UBE2E1: variants seen among roughly 807,000 people sequenced by gnomAD.
The protein encoded by UBE2E1 is ubiquitin conjugating enzyme E2 E1.
Under a neutral mutation model 21.4 loss-of-function variants are expected in UBE2E1, and 6 were observed. The observed-to-expected ratio is 0.28, with a 90% CI of 0.15 to 0.55. The LOEUF is 0.55. Ranked by LOEUF, UBE2E1 falls within the 20% of genes least tolerant of loss-of-function variation. UBE2E1 has a pLI of 0.93. For synonymous variants in UBE2E1, 87 were observed against 82.7 expected (o/e 1.05, Z -0.28); for missense variants, 142 against 236.5 (o/e 0.60, Z 2.62).
rs896479596 is a variant in UBE2E1 at position 23,807,127 on chromosome 3, T to C, written c.-33-110T>C. ...ACTTTGAAAAGCGAGTGGAGGGCGG[T>C]GGGCGGCCGCGTGCGCCCCTGGTCA... On this transcript the variant is annotated intron_variant, in intron 1 of 5. Transcript: ENST00000306627. 7.1e-6 allele frequency: 6 copies of C among 849,098 alleles called. 1 individual carries two copies. Among genetic ancestry groups the C allele is most frequent in the Non-Finnish European group, 1.0e-5 (6 of 576,262 alleles). The allele number at this position is 849,098 out of a possible 1,614,324, so 52.6% of individuals were successfully genotyped here.
intron 3 of UBE2E1, among the ~76,000 whole-genome samples, chr3:23,873,118 T>C (rs902162359): frequency 1.3e-5 from 2 of 152,234 alleles, no homozygotes; most frequent in African/African-American, 4.8e-5. Flanking sequence ...TCATACCTGC[T>C]TCTGCATTCA....
At chr3:23,822,475 G>C (rs1014642119) in intron 3 of UBE2E1, among the ~76,000 whole-genome samples, 1 of 150,530 alleles carries the variant, frequency 6.6e-6, no homozygotes, top group African/African-American at 2.4e-5. Context: ...TTTTTTTTCT[G>C]ATCTCCCCTC....
chr3:23,816,035 A>G lies in UBE2E1; in HGVS notation c.203+4525A>G, dbSNP rs761912603. Among the ~76,000 whole-genome samples, 1 of 152,202 alleles carries G rather than the reference A, an allele frequency of 6.6e-6. No individual in the cohort carries two copies. Among genetic ancestry groups the G allele is most frequent in the Non-Finnish European group, 1.5e-5 (1 of 68,040 alleles). On this transcript the variant is annotated intron_variant, in intron 3 of 5. Coordinates refer to ENST00000306627, the MANE Select transcript of UBE2E1 (RefSeq NM_003341.5). This position sits in a 1 kb window ranked among gnomAD's most constrained non-coding sequence, Gnocchi z 4.8. The stretch of plus-strand genomic sequence containing the variant: ...CTGGGGCCTTTCCTATTAGAGAGGA[A>G]AGAAACCCTATCTGGAGATGAATTG...
intron 3 of UBE2E1, among the ~76,000 whole-genome samples, chr3:23,846,317 A>T (rs1418961050): frequency 5.9e-5 from 9 of 152,088 alleles, no homozygotes; most frequent in Non-Finnish European, 1.3e-4. Flanking sequence ...AGTCCTAGCT[A>T]CTTGGGAGGC....
At chr3:23,831,212 A>C (rs1390611372) in intron 3 of UBE2E1, among the ~76,000 whole-genome samples, 2 of 152,214 alleles carry the variant, frequency 1.3e-5, no homozygotes, top group African/African-American at 4.8e-5. Flanking sequence ...AATGTTCTGG[A>C]TATCAGAAAC....
At chr3:23,888,279 C>T (rs758393573) in intron 4 of UBE2E1, 1 of 457,106 alleles carries the variant, frequency 2.2e-6, no homozygotes, top group South Asian at 1.5e-5. Flanking sequence ...TTGCCCAAGT[C>T]ACCCATCTCC....
chr3:23,825,183 G>A (rs898864797), intron 3 of UBE2E1, among the ~76,000 whole-genome samples: 2 of 152,148 alleles, frequency 1.3e-5, no homozygotes, highest in Non-Finnish European at 2.9e-5. Flanking sequence ...AGGCCTGCAT[G>A]GTTGTCAGTG....
chr3:23,815,807 C>G (rs1023252123), intron 3 of UBE2E1, among the ~76,000 whole-genome samples: 10 of 152,230 alleles, frequency 6.6e-5, no homozygotes, highest in African/African-American at 2.4e-4. Context: ...TAGCATCTTT[C>G]ATTTATCTGA....
At chr3:23,814,345 A>G (rs1699465449) in intron 3 of UBE2E1, among the ~76,000 whole-genome samples, 1 of 152,208 alleles carries the variant, frequency 6.6e-6, no homozygotes, top group African/African-American at 2.4e-5. Context: ...AATGTTGTAT[A>G]TTATGTTGGG....
chr3:23,879,289 A>G, intron 3 of UBE2E1: 1 of 876,568 alleles, frequency 1.1e-6, no homozygotes, highest in Non-Finnish European at 1.7e-6. Context: ...CAGAAGTGAA[A>G]AGGGACTGTT....
intron 3 of UBE2E1, among the ~76,000 whole-genome samples, chr3:23,855,228 A>G (rs1178510993): frequency 6.6e-6 from 1 of 152,196 alleles, no homozygotes; most frequent in East Asian, 1.9e-4. Flanking sequence ...CAAATACACA[A>G]CCTTCTCTAG....
intron 3 of UBE2E1, among the ~76,000 whole-genome samples, chr3:23,857,624 C>CT (rs1425359523): frequency 6.6e-6 from 1 of 152,182 alleles, no homozygotes; most frequent in Non-Finnish European, 1.5e-5. Flanking sequence ...TCTCCTGCCA[C>CT]TTGTGAAGGA....
intron 3 of UBE2E1, among the ~76,000 whole-genome samples, chr3:23,878,020 G>A (rs1377873745): frequency 1.3e-5 from 2 of 151,950 alleles, no homozygotes; most frequent in East Asian, 1.9e-4. Flanking sequence ...GCTGCTGTCC[G>A]CATGTCTCTT....
chr3:23,815,675 G>A (rs1559474938), intron 3 of UBE2E1, among the ~76,000 whole-genome samples: 2 of 152,178 alleles, frequency 1.3e-5, no homozygotes, highest in South Asian at 4.1e-4. Context: ...ACAGTGGAGT[G>A]TTACATACCT....
Position 23,887,550 on chromosome 3 carries a change from T to C in UBE2E1, c.204-17T>C. 6.3e-7 allele frequency: 1 copy of C among 1,595,986 alleles called. No individual in the cohort carries two copies. Among genetic ancestry groups the C allele is most frequent in the East Asian group, 2.2e-5 (1 of 44,760 alleles). On this transcript the variant is annotated splice_polypyrimidine_tract_variant and intron_variant, in intron 3 of 5. Transcript: ENST00000306627. The surrounding 1 kb of genome is among the most constrained non-coding windows in gnomAD (Gnocchi z 4.4). ...ATAGTGCCACCATCTGCTTATTTGT[T>C]GACGTATTATTCACAGTGCTGGTCC...
chr3:23,828,514 A>G (rs543360918), intron 3 of UBE2E1, among the ~76,000 whole-genome samples: 2 of 152,358 alleles, frequency 1.3e-5, no homozygotes, highest in Admixed American at 6.5e-5. Flanking sequence ...GTTGCTGGTA[A>G]AGGCGTTGGA....
chr3:23,807,513 G>T, intron 2 of UBE2E1, 92 bp downstream of exon 2: 16 of 1,477,264 alleles, frequency 1.1e-5, no homozygotes, highest in East Asian at 2.3e-5. Context: ...TAGCTTAAAC[G>T]CTCCTCATGG....
intron 3 of UBE2E1, among the ~76,000 whole-genome samples, chr3:23,881,160 C>T (rs1701029689): frequency 6.6e-6 from 1 of 152,160 alleles, no homozygotes; most frequent in African/African-American, 2.4e-5. Flanking sequence ...AGTGTCGTGG[C>T]TCATGGCCAT....
At chr3:23,860,395 T>G (rs1700528747) in intron 3 of UBE2E1, among the ~76,000 whole-genome samples, 1 of 152,232 alleles carries the variant, frequency 6.6e-6, no homozygotes, top group Admixed American at 6.5e-5. Context: ...TGGGGCTCAT[T>G]GTTAATGGAA....
Sources: gnomAD v4.1 joint callset for allele counts (sites outside exome capture counted in the v4.1 genomes callset) on GRCh38, gnomAD v4.1.1 for gene constraint, Gnocchi (gnomAD v3.1) non-coding constraint, MANE v1.5 for transcripts, NCBI Gene and HGNC (gene_info 2026-07-23, HGNC 2026-07-21) for gene names.